Variants in PLCH1 observed in about 807,000 individuals in gnomAD.
PLCH1 encodes phospholipase C eta 1.
Under a neutral mutation model 126.7 loss-of-function variants are expected in PLCH1, and 60 were observed. That is an observed-to-expected ratio of 0.47 (90% CI 0.38 to 0.59). The LOEUF (loss-of-function observed/expected upper bound fraction) is 0.59, where lower values mean the gene tolerates loss of function less well. Ranked by LOEUF, PLCH1 falls within the 20% of genes least tolerant of loss-of-function variation. The pLI is 0.00. For synonymous variants in PLCH1, 719 were observed against 734.9 expected (o/e 0.98, Z 0.35); for missense variants, 1,723 against 2,040.0 (o/e 0.84, Z 2.99).
intron 4 of PLCH1, 74 bp downstream of exon 4, chr3:155,593,867 C>T (rs1457763753): frequency 6.9e-7 from 1 of 1,446,186 alleles, no homozygotes; most frequent in Non-Finnish European, 9.5e-7. Context: ...ATAGTCTAAT[C>T]CTTACTTCAC....
At chr3:155,584,068 T>C (rs1280390261) in intron 5 of PLCH1, among the ~76,000 whole-genome samples, 1 of 151,944 alleles carries the variant, frequency 6.6e-6, no homozygotes, top group African/African-American at 2.4e-5. Flanking sequence ...AAGAAGTTAA[T>C]AATTCAACTC....
chr3:155,481,590 G>A lies in PLCH1; in HGVS notation c.4436C>T (p.Pro1479Leu). 1.2e-6 allele frequency: 2 copies of A among 1,614,146 alleles called. No individual in the cohort carries two copies. The highest frequency in any genetic ancestry group is 1.7e-6 in the Non-Finnish European group (2 of 1,180,040). ...AHLPLPALKL[P>L]SPCKSKSLGD... The stretch of plus-strand genomic sequence containing the variant: ...CAGACTTTTGGATTTGCAAGGACTA[G>A]GCAGTTTCAGAGCAGGCAAAGGAAG... The change falls in exon 23 of 23, where the codon CCT becomes CTT. Residue 1479 changes from proline (P) to leucine (L), a missense_variant. This residue lies in a region of PLCH1 where 947 missense variants were observed against 977.1 expected (regional missense o/e 0.97). Coordinates refer to ENST00000460012, the MANE Select transcript of PLCH1 (RefSeq NM_014996.4). This position sits in a 1 kb window ranked among gnomAD's most constrained non-coding sequence, Gnocchi z 4.2.
chr3:155,526,425 GTCTC>G (rs369809883), intron 10 of PLCH1, among the ~76,000 whole-genome samples: 51 of 122,952 alleles, frequency 4.1e-4, no homozygotes, highest in African/African-American at 7.5e-4. Context: ...TCTCTCTTCT[GTCTC>G]TCTCTCTCTC....
chr3:155,656,192 C>G (rs1441427577), intron 2 of PLCH1, among the ~76,000 whole-genome samples: 2 of 150,446 alleles, frequency 1.3e-5, no homozygotes, highest in Admixed American at 6.6e-5. Flanking sequence ...AAACTACCAC[C>G]ACAAAGAAGC....
intron 1 of PLCH1, among the ~76,000 whole-genome samples, chr3:155,706,615 CAAAA>C (rs56707638): frequency 7.2e-6 from 1 of 138,170 alleles, no homozygotes; most frequent in Non-Finnish European, 1.6e-5. Context: ...GACTCCGTCT[CAAAA>C]AAAAAAAAAA....
chr3:155,735,011 T>C (rs1014900572), intron 1 of PLCH1, among the ~76,000 whole-genome samples: 7 of 152,128 alleles, frequency 4.6e-5, no homozygotes, highest in African/African-American at 1.7e-4. Context: ...GCCCAGCCTA[T>C]ACACAGTAGC....
chr3:155,482,756 G>A lies in PLCH1; in HGVS notation c.3270C>T (p.Pro1090=). ...QHLAPDPVVN[P]TQDLHGVKIK... is the part of the protein sequence containing the mutation. ...TTTTCACACCATGCAGATCTTGTGT[G>A]GGGTTAACTACAGGATCGGGAGCCA... The change falls in exon 23 of 23, where the codon CCC becomes CCT. Residue 1090 remains proline, a synonymous_variant. Coordinates refer to ENST00000460012, the MANE Select transcript of PLCH1 (RefSeq NM_014996.4). The A allele has an allele frequency of 6.2e-7, 1 of 1,614,164 alleles. No homozygotes were observed. Among genetic ancestry groups the A allele is most frequent in the Non-Finnish European group, 8.5e-7 (1 of 1,180,024 alleles).
chr3:155,502,012 A>AC (rs149191345), intron 13 of PLCH1, among the ~76,000 whole-genome samples: 9,655 of 151,640 alleles, frequency 0.064, 610 homozygotes, highest in African/African-American at 0.17. Flanking sequence ...CTTCTCCTAA[A>AC]CCCCCCCAAA....
At position 155,481,282 on chromosome 3, in the gene PLCH1, C is replaced by T. The variant is rs528882718; in HGVS notation, c.4744G>A (p.Ala1582Thr). Residue 1582 changes from alanine (A) to threonine (T), a missense_variant, in exon 23 of 23, where the codon GCT (alanine) becomes ACT (threonine). Physicochemically the swap from Ala to Thr is moderately conservative, Grantham distance 58 (BLOSUM62 0). Transcript: ENST00000460012. The surrounding 1 kb of genome is among the most constrained non-coding windows in gnomAD (Gnocchi z 4.2). ...TCCTGTTTCTCCTTGGCACGACTAG[C>T]AATATTGCGCACTCTGCTCTGACTT... ...SRSQSRVRNI[A>T]SRAKEKQEAN... The T allele has an allele frequency of 1.2e-6, 2 of 1,614,216 alleles. No homozygotes were observed. The highest frequency in any genetic ancestry group is 2.2e-5 in the South Asian group (2 of 91,086).
chr3:155,524,025 C>T (rs1721568199), intron 10 of PLCH1, 21 bp from the exon 11 acceptor site: 1 of 1,372,924 alleles, frequency 7.3e-7, no homozygotes, highest in Non-Finnish European at 1.0e-6. Context: ...ACAAAACATC[C>T]CATTTAAAAA....
chr3:155,669,558 A>G (rs1279503014), intron 2 of PLCH1, among the ~76,000 whole-genome samples: 2 of 152,254 alleles, frequency 1.3e-5, no homozygotes, highest in African/African-American at 4.8e-5. Flanking sequence ...AGCTTGGACA[A>G]CAAAATTTGT....
chr3:155,519,099 A>C (rs1188484418), intron 11 of PLCH1, among the ~76,000 whole-genome samples: 1 of 152,358 alleles, frequency 6.6e-6, no homozygotes, highest in African/African-American at 2.4e-5. Flanking sequence ...GAACAAATAA[A>C]TGTGTGGCTG....
rs182038028 is a variant in PLCH1, at chr3:155,525,643, C to T, written c.1363-1639G>A. 2.0e-5 allele frequency among the ~76,000 whole-genome samples: 3 copies of T among 152,282 alleles called. No individual in the cohort carries two copies. The East Asian group carries it at 5.8e-4, about 29-fold the overall frequency. On this transcript the variant is annotated intron_variant, in intron 10 of 22. Transcript: ENST00000460012. The stretch of plus-strand genomic sequence containing the variant: ...GCCTCACTTTGCATTTCACAAGCCC[C>T]TCTTTCACAGACAATGCAGCGAGAC...
At chr3:155,551,397 A>T (rs1726093489) in intron 9 of PLCH1, among the ~76,000 whole-genome samples, 1 of 135,422 alleles carries the variant, frequency 7.4e-6, no homozygotes, top group Non-Finnish European at 1.5e-5. Context: ...GTGAGCTGAG[A>T]TCATGCCACT....
In PLCH1 at chr3:155,731,629, T is replaced by C. The variant is rs1195533716; in HGVS notation, c.-41+13211A>G. Among the ~76,000 whole-genome samples the C allele has an allele frequency of 3.9e-5, 6 of 152,132 alleles. No individual in the cohort carries two copies. The South Asian group carries it at 1.0e-3, about 26-fold the overall frequency. On this transcript the variant is annotated intron_variant, in intron 1 of 22. Coordinates refer to ENST00000460012, the MANE Select transcript of PLCH1 (RefSeq NM_014996.4). ...CCACACAAAGTCAGTCTACAAAGAC[T>C]GGAATAAATCCCTACTTCTTCAAAA...
chr3:155,698,107 T>C (rs1745974487), intron 2 of PLCH1, among the ~76,000 whole-genome samples: 1 of 152,114 alleles, frequency 6.6e-6, no homozygotes, highest in African/African-American at 2.4e-5. Context: ...TAGCCAAAAT[T>C]AGCCAGAAAG....
chr3:155,457,731 T>C (rs1712486824), intron 21 of PLCH1: 2 of 152,260 alleles, frequency 1.3e-5, no homozygotes, highest in South Asian at 2.1e-4. Flanking sequence ...ATCTTAATAC[T>C]ATATTAAAAT....
At chr3:155,689,869 A>C (rs1745242680) in intron 2 of PLCH1, among the ~76,000 whole-genome samples, 1 of 152,132 alleles carries the variant, frequency 6.6e-6, no homozygotes, top group Non-Finnish European at 1.5e-5. Flanking sequence ...ATTCAAAGAG[A>C]TAATATCAGA....
chr3:155,580,841 T>C (rs892989986), intron 6 of PLCH1, among the ~76,000 whole-genome samples: 1 of 152,164 alleles, frequency 6.6e-6, no homozygotes, highest in Non-Finnish European at 1.5e-5. Flanking sequence ...TTCTTCACAT[T>C]CTCTTTCCTT....
Sources: gnomAD v4.1 joint callset for allele counts (sites outside exome capture counted in the v4.1 genomes callset) on GRCh38, gnomAD v4.1.1 for gene constraint, gnomAD v4.1.1 regional missense constraint, Gnocchi (gnomAD v3.1) non-coding constraint, MANE v1.5 for transcripts, NCBI Gene and HGNC (gene_info 2026-07-23, HGNC 2026-07-21) for gene names.